The following SLCO2B1 variants were observed in gnomAD, a reference collection of about 807,000 sequenced individuals.
SLCO2B1 encodes the protein OATP-RP2.
In SLCO2B1, 41 loss-of-function variants were observed where a neutral mutation model predicts 67.3. The observed-to-expected ratio is 0.61, with a 90% CI of 0.47 to 0.79. The LOEUF is 0.79. SLCO2B1 is among the 30% of genes least tolerant of loss of function. The pLI is 0.00. For missense variants in SLCO2B1, 837 were observed against 920.1 expected (o/e 0.91, Z 1.17); for synonymous variants, 379 against 381.4 (o/e 0.99, Z 0.07).
In SLCO2B1 at chr11:75,206,148, C is replaced by T. The variant is rs1282979617; in HGVS notation, c.*1568C>T. On this transcript the variant is annotated 3_prime_UTR_variant, in exon 14 of 14. Coordinates refer to ENST00000289575, the MANE Select transcript of SLCO2B1 (RefSeq NM_007256.5). Reference sequence around the variant, plus strand: ...CAAAGTCTCCTTCAACAATATGAGGCTTTTAGGATGTTTATATTCCTTCAT... The same window carrying T: ...CAAAGTCTCCTTCAACAATATGAGGTTTTTAGGATGTTTATATTCCTTCAT... The T allele has an allele frequency of 6.6e-6, 1 of 152,154 alleles. No individual in the cohort carries two copies. The highest frequency in any genetic ancestry group is 1.5e-5 in the Non-Finnish European group (1 of 68,032). 9.4% of individuals were successfully genotyped at this position (152,154 alleles called of 1,614,324 possible).
At chr11:75,156,710 ACTCCATAGGCAGAGCAG>A (rs1191481605) in intron 1 of SLCO2B1, among the ~76,000 whole-genome samples, 1 of 152,124 alleles carries the variant, frequency 6.6e-6, no homozygotes, top group East Asian at 1.9e-4. Context: ...AAGAATGGCT[ACTCCATAGGCAGAGCAG>A]CCCCGAGGGC....
At chr11:75,191,649 C>G (rs1183501270) in intron 8 of SLCO2B1, among the ~76,000 whole-genome samples, 1 of 152,206 alleles carries the variant, frequency 6.6e-6, no homozygotes, top group East Asian at 1.9e-4. Flanking sequence ...CCTGGTCCTG[C>G]TGCTGCAGGA....
At chr11:75,188,456 C>CGGT (rs1944969913) in intron 8 of SLCO2B1, among the ~76,000 whole-genome samples, 2 of 152,230 alleles carry the variant, frequency 1.3e-5, no homozygotes, top group South Asian at 4.1e-4. Context: ...CCAGGCATTG[C>CGGT]GGCTCATGCC....
intron 4 of SLCO2B1, among the ~76,000 whole-genome samples, chr11:75,167,531 T>G (rs954563285): frequency 2.0e-4 from 31 of 152,256 alleles, no homozygotes; most frequent in African/African-American, 7.0e-4. Flanking sequence ...GTTCTGACTC[T>G]CCAGGCTATT....
intron 1 of SLCO2B1, among the ~76,000 whole-genome samples, chr11:75,152,703 A>G (rs1949706349): frequency 6.6e-6 from 1 of 152,124 alleles, no homozygotes; most frequent in African/African-American, 2.4e-5. Context: ...TGACCCCTGC[A>G]GGGCCCAGCT....
chr11:75,196,755 T>G (rs1179615515), intron 10 of SLCO2B1, 76 bp downstream of exon 10: 1 of 1,346,730 alleles, frequency 7.4e-7, no homozygotes, highest in African/African-American at 1.5e-5. Flanking sequence ...TGTCATACTC[T>G]CCACTTCTGC....
chr11:75,202,855 G>A (rs532001960), intron 11 of SLCO2B1, 46 bp from the exon 12 acceptor site: 3 of 1,559,696 alleles, frequency 1.9e-6, no homozygotes, highest in Admixed American at 3.3e-5. Flanking sequence ...GCCCTTGGGG[G>A]CTGGAACCCC....
intron 1 of SLCO2B1, among the ~76,000 whole-genome samples, chr11:75,161,809 C>T (rs1021193642): frequency 4.6e-5 from 7 of 152,140 alleles, no homozygotes; most frequent in African/African-American, 2.4e-5. Flanking sequence ...CTGGGCTCCC[C>T]ACTGAGAGTG....
Position 75,193,130 on chromosome 11 carries a change from C to G in SLCO2B1, c.1076-88C>G. On this transcript the variant is annotated intron_variant, in intron 8 of 13. Coordinates refer to ENST00000289575, the MANE Select transcript of SLCO2B1 (RefSeq NM_007256.5). The surrounding 1 kb of genome is among the most constrained non-coding windows in gnomAD (Gnocchi z 4.2). ...ATGGGGCGGGTTAGAAGAAATGGAA[C>G]TGCTTGAACTGAGCAGGGCAGGAGG... 1 of 925,330 alleles carries G rather than the reference C, an allele frequency of 1.1e-6. No individual in the cohort carries two copies. The highest frequency in any genetic ancestry group is 1.7e-5 in the South Asian group (1 of 59,924). The allele number at this position is 925,330 out of a possible 1,614,324, so 57.3% of individuals were successfully genotyped here. A position where few individuals can be genotyped will look rare whatever the true frequency, so the allele number is the denominator to read the frequency against.
At chr11:75,159,398 G>A (rs1326899041) in intron 1 of SLCO2B1, among the ~76,000 whole-genome samples, 1 of 152,314 alleles carries the variant, frequency 6.6e-6, no homozygotes, top group South Asian at 2.1e-4. Flanking sequence ...CTTCATTCCC[G>A]CAGGCAACCG....
chr11:75,172,075 G>A (rs570498591), intron 6 of SLCO2B1, among the ~76,000 whole-genome samples: 1 of 152,324 alleles, frequency 6.6e-6, no homozygotes, highest in Non-Finnish European at 1.5e-5. Flanking sequence ...GGCACAAAGA[G>A]GTTGTGTAGG....
intron 3 of SLCO2B1, among the ~76,000 whole-genome samples, chr11:75,164,559 G>A (rs1226171085): frequency 6.6e-6 from 1 of 152,062 alleles, no homozygotes; most frequent in East Asian, 1.9e-4. Flanking sequence ...GGATTCACAG[G>A]CCTGTGGGGC....
At chr11:75,160,864 C>T (rs1168559123) in intron 1 of SLCO2B1, among the ~76,000 whole-genome samples, 2 of 152,150 alleles carry the variant, frequency 1.3e-5, no homozygotes, top group Non-Finnish European at 2.9e-5. Context: ...AAAATGCAAA[C>T]CAAAACCACA....
intron 8 of SLCO2B1, among the ~76,000 whole-genome samples, chr11:75,191,079 G>A (rs949454171): frequency 6.6e-6 from 1 of 152,192 alleles, no homozygotes; most frequent in African/African-American, 2.4e-5. Context: ...CAGGAGAATG[G>A]ACTGGAAGCA....
intron 8 of SLCO2B1, among the ~76,000 whole-genome samples, chr11:75,189,009 G>A (rs979169968): frequency 2.1e-4 from 32 of 152,298 alleles, no homozygotes; most frequent in African/African-American, 7.0e-4. Flanking sequence ...AGAGAGCTCT[G>A]GGCTAATATC....
intron 7 of SLCO2B1, among the ~76,000 whole-genome samples, chr11:75,182,235 C>T (rs1950099869): frequency 2.0e-5 from 3 of 152,208 alleles, no homozygotes; most frequent in Admixed American, 2.0e-4. Context: ...CACTCCCCTC[C>T]TGTTCCAAAC....
intron 8 of SLCO2B1, among the ~76,000 whole-genome samples, chr11:75,190,779 T>C (rs1032812236): frequency 1.3e-5 from 2 of 152,136 alleles, no homozygotes; most frequent in Non-Finnish European, 2.9e-5. Context: ...ATACCTGGCC[T>C]CTAGCTGGGT....
At chr11:75,203,852 TC>T (rs779594348) in intron 13 of SLCO2B1, 48 of 179,444 alleles carry the variant, frequency 2.7e-4, no homozygotes, top group Admixed American at 1.7e-4. Flanking sequence ...GGCTCAGTCT[TC>T]CCATCTGTAC....
At position 75,164,109 on chromosome 11, in the gene SLCO2B1, C is replaced by T. The variant is rs749417331; in HGVS notation, c.285+9C>T. On this transcript the variant is annotated intron_variant, in intron 3 of 13. Coordinates refer to ENST00000289575, the MANE Select transcript of SLCO2B1 (RefSeq NM_007256.5). ...TGGCCTCCTTCAACGAGGTACAGGC[C>T]CCACCCAGCCACAGGGGTGGACACT... 2.0e-5 allele frequency: 32 copies of T among 1,605,456 alleles called. No individual in the cohort carries two copies. The highest frequency in any genetic ancestry group is 2.7e-5 in the Non-Finnish European group (32 of 1,176,502).
Sources: allele counts gnomAD v4.1 joint callset (sites outside exome capture counted in the v4.1 genomes callset), GRCh38; gene constraint gnomAD v4.1.1; non-coding constraint Gnocchi (gnomAD v3.1); transcripts MANE v1.5; gene names NCBI Gene and HGNC (gene_info 2026-07-23, HGNC 2026-07-21).